The following E4F1 variants were observed in gnomAD, a reference collection of about 807,000 sequenced individuals.
E4F1 encodes the protein transcription factor E4F1.
Under a neutral mutation model 72.9 loss-of-function variants are expected in E4F1, and 30 were observed. The ratio of observed to expected loss-of-function variants is 0.41; its 90% CI spans 0.31 to 0.56. The LOEUF (loss-of-function observed/expected upper bound fraction) is 0.56, where lower values mean the gene tolerates loss of function less well. Ranked by LOEUF, E4F1 falls within the 20% of genes least tolerant of loss-of-function variation. E4F1 has a pLI of 0.25. For missense variants in E4F1, 1,091 were observed against 1,117.5 expected, an observed-to-expected ratio of 0.98 and a Z score of 0.34; for synonymous variants, 542 against 478.2, an observed-to-expected ratio of 1.13 and a Z score of -1.74.
In E4F1 at chr16:2,232,331, T is replaced by C. The variant is rs776466711; in HGVS notation, c.576T>C (p.Tyr192=). The C allele has an allele frequency of 6.2e-7, 1 of 1,608,664 alleles. No individual in the cohort carries two copies. The highest frequency in any genetic ancestry group is 1.7e-5 in the Admixed American group (1 of 59,668). ...VKLLVNKDGR[Y]VCALCHKTFK... Reference sequence around the variant, plus strand: ...TACTGGTGAACAAGGATGGCCGCTATGTGTGTGCGCTGTGCCACAAGACCT... The same window carrying C: ...TACTGGTGAACAAGGATGGCCGCTACGTGTGTGCGCTGTGCCACAAGACCT... The change falls in exon 4 of 14, where the codon TAT becomes TAC. Residue 192 remains tyrosine, a synonymous_variant. Coordinates refer to ENST00000301727, the MANE Select transcript of E4F1 (RefSeq NM_004424.5).
At chr16:2,224,390 C>G (rs2093418762) in intron 1 of E4F1, among the ~76,000 whole-genome samples, 1 of 152,222 alleles carries the variant, frequency 6.6e-6, no homozygotes, top group Admixed American at 6.5e-5. Flanking sequence ...TGTAACAAGC[C>G]CTTATCCTGC....
intron 2 of E4F1, 103 bp from the exon 3 acceptor site, chr16:2,229,467 G>T (rs2093452824): frequency 5.5e-6 from 7 of 1,278,236 alleles, no homozygotes; most frequent in South Asian, 5.1e-5. Flanking sequence ...AGCACCACAA[G>T]TCACACCTCC....
In E4F1 at chr16:2,233,431, C is replaced by A; in HGVS notation, c.1057-7C>A. Reference sequence around the variant, plus strand: ...TGGCCAGCCTCCTCTCTCTGCCTCCCCTGCAGCCCCCCGTCTCCCAGGAGC... The same window carrying A: ...TGGCCAGCCTCCTCTCTCTGCCTCCACTGCAGCCCCCCGTCTCCCAGGAGC... On this transcript the variant is annotated splice_region_variant and splice_polypyrimidine_tract_variant and intron_variant, in intron 7 of 13. Transcript: ENST00000301727. 6.6e-7 allele frequency: 1 copy of A among 1,509,428 alleles called. No homozygotes were observed. The highest frequency in any genetic ancestry group is 8.8e-7 in the Non-Finnish European group (1 of 1,135,910). The allele number at this position is 1,509,428 out of a possible 1,614,324, so 93.5% of individuals were successfully genotyped here.
intron 9 of E4F1, 85 bp downstream of exon 9, chr16:2,234,075 T>C (rs376798905): frequency 3.9e-6 from 6 of 1,548,020 alleles, no homozygotes. Flanking sequence ...GGTGGGTCCA[T>C]AGACAGCAGG....
chr16:2,225,892 G>A (rs941184332), intron 1 of E4F1, among the ~76,000 whole-genome samples: 2 of 151,430 alleles, frequency 1.3e-5, no homozygotes, highest in Admixed American at 6.6e-5. Flanking sequence ...TCAGGAGATC[G>A]AGACCACCCT....
chr16:2,232,969 G>GGGGTGT lies in E4F1; in HGVS notation c.884-40_884-35dup, dbSNP rs754240768. ...GCTGGCTGTGGACGCAGCCGCCACT[G>GGGGTGT]GGGTGTGTGAGGGATCTTCACTCCC... On this transcript the variant is annotated intron_variant, in intron 6 of 13. Transcript: ENST00000301727. 4 of 1,611,368 alleles carry GGGGTGT rather than the reference G, an allele frequency of 2.5e-6. No homozygotes were observed. The African/African-American group carries it at 4.0e-5, about 16-fold the overall frequency.
At chr16:2,234,555 A>G (rs1246750452) in intron 10 of E4F1, 28 bp from the exon 11 acceptor site, 10 of 1,561,630 alleles carry the variant, frequency 6.4e-6, no homozygotes, top group Admixed American at 3.8e-5. Flanking sequence ...GGCCAAGGCC[A>G]GGCTGGCACT....
chr16:2,225,762 G>A (rs1464129475), intron 1 of E4F1, among the ~76,000 whole-genome samples: 11 of 144,516 alleles, frequency 7.6e-5, no homozygotes, highest in Non-Finnish European at 1.3e-4. Flanking sequence ...GTGCGCCACC[G>A]TGCCCGGCTC....
intron 2 of E4F1, among the ~76,000 whole-genome samples, chr16:2,229,284 C>T (rs1055576404): frequency 1.3e-5 from 2 of 152,266 alleles, no homozygotes; most frequent in Non-Finnish European, 1.5e-5. Flanking sequence ...AGAGTTGCTG[C>T]TCCCTCCCTG....
intron 1 of E4F1, among the ~76,000 whole-genome samples, chr16:2,225,440 G>A (rs1157968426): frequency 6.6e-6 from 1 of 151,530 alleles, no homozygotes; most frequent in African/African-American, 2.4e-5. Flanking sequence ...TTCCAGACCA[G>A]CCTGGGCAAC....
At position 2,229,698 on chromosome 16, in the gene E4F1, C is replaced by G. The variant is rs778945403; in HGVS notation, c.415+23C>G. 7 of 1,610,942 alleles carry G rather than the reference C, an allele frequency of 4.3e-6. No homozygotes were observed. In the Admixed American group the frequency reaches 1.2e-4, roughly 27 times the overall value. ...TTGGTAAGCCGACTTCCATGAATCG[C>G]TGGCCTGATAGACCTTCGTGGTTGG... On this transcript the variant is annotated intron_variant, in intron 3 of 13. Transcript: ENST00000301727.
At position 2,223,641 on chromosome 16, in the gene E4F1, A is replaced by T; in HGVS notation, c.28A>T (p.Thr10Ser). ...GGAGGGCGCGATGGCAGTGCGGGTG[A>T]CGGCCGCTCATACGGCAGAAGCCCA... MEGAMAVRV[T>S]AAHTAEAQAE... is the part of the protein sequence containing the mutation. The change falls in exon 1 of 14, where the codon ACG becomes TCG. Residue 10 changes from threonine to serine, a missense_variant. By Grantham distance (58) the Thr-to-Ser change is moderately conservative. Around this residue, in one of 5 missense-constraint regions of E4F1, gnomAD observed 362 missense variants for 358.6 expected, o/e 1.01. Coordinates refer to ENST00000301727, the MANE Select transcript of E4F1 (RefSeq NM_004424.5). 6.3e-7 allele frequency: 1 copy of T among 1,590,592 alleles called. No individual in the cohort carries two copies. The highest frequency in any genetic ancestry group is 8.5e-7 in the Non-Finnish European group (1 of 1,174,170).
At chr16:2,228,752 G>GC (rs1218437134) in intron 2 of E4F1, among the ~76,000 whole-genome samples, 1 of 152,220 alleles carries the variant, frequency 6.6e-6, no homozygotes, top group Admixed American at 6.5e-5. Context: ...TCTGGTCGAA[G>GC]CCCGTGCTGT....
At chr16:2,223,913 C>G (rs1346363907) in intron 1 of E4F1, 143 bp downstream of exon 1, 1 of 1,531,282 alleles carries the variant, frequency 6.5e-7, no homozygotes, top group African/African-American at 1.4e-5. Flanking sequence ...CCTCACAGCC[C>G]TCCACGAAAC....
In E4F1 at chr16:2,235,363, C is replaced by T; in HGVS notation, c.2146C>T (p.Pro716Ser). Residue 716 changes from proline (P) to serine (S), a missense_variant, in exon 14 of 14, where the codon CCC (proline) becomes TCC (serine). This residue lies in a region of E4F1 where 622 missense variants were observed against 628.0 expected (regional missense o/e 0.99). Coordinates refer to ENST00000301727, the MANE Select transcript of E4F1 (RefSeq NM_004424.5). ...AAADTITIAT[P>S]ESLTEQVAMT... ...CGCCGACACCATCACCATCGCCACCCCCGAGAGCCTGACAGAGCAGGTGGC... is the reference window on the plus strand; with the variant it reads ...CGCCGACACCATCACCATCGCCACCTCCGAGAGCCTGACAGAGCAGGTGGC... 6.2e-7 allele frequency: 1 copy of T among 1,610,010 alleles called. No homozygotes were observed. Among genetic ancestry groups the T allele is most frequent in the Non-Finnish European group, 8.5e-7 (1 of 1,179,918 alleles).
chr16:2,233,764 T>G (rs1337061190), intron 8 of E4F1, 117 bp downstream of exon 8: 7 of 1,430,338 alleles, frequency 4.9e-6, no homozygotes, highest in Non-Finnish European at 6.6e-6. Flanking sequence ...ATTGATCTGT[T>G]TACTGCCTTC....
At position 2,234,733 on chromosome 16, in the gene E4F1, C is replaced by A; in HGVS notation, c.1744C>A (p.Arg582Ser). The stretch of plus-strand genomic sequence containing the variant: ...GCCGTTCAAGTGCTACAAGTGCGGC[C>A]GTGGCTTCGCCGAGCACGGCACGCT... The part of the protein sequence containing the change: ...EKPFKCYKCG[R>S]GFAEHGTLNR... The change falls in exon 11 of 14, where the codon CGT becomes AGT. Residue 582 changes from arginine to serine, a missense_variant. Arg to Ser is a moderately radical substitution (Grantham distance 110). Coordinates refer to ENST00000301727, the MANE Select transcript of E4F1 (RefSeq NM_004424.5). 4 of 1,511,168 alleles carry A rather than the reference C, an allele frequency of 2.6e-6. No individual in the cohort carries two copies. The highest frequency in any genetic ancestry group is 3.6e-6 in the Non-Finnish European group (4 of 1,122,760). 93.6% of individuals were successfully genotyped at this position (1,511,168 alleles called of 1,614,324 possible).
intron 1 of E4F1, among the ~76,000 whole-genome samples, chr16:2,225,793 A>AG (rs1298110090): frequency 7.2e-6 from 1 of 139,044 alleles, no homozygotes; most frequent in East Asian, 2.0e-4. Context: ...CTGTTTAGGA[A>AG]AAAAAAAAAA....
intron 3 of E4F1, chr16:2,231,828 G>A (rs27709): frequency 0.37 from 99,751 of 273,212 alleles, 21,610 homozygotes; most frequent in East Asian, 0.51. Context: ...ACAGGCGGCT[G>A]TCTCTTCACC....
Sources: allele counts gnomAD v4.1 joint callset (sites outside exome capture counted in the v4.1 genomes callset), GRCh38; gene constraint gnomAD v4.1.1; regional missense constraint gnomAD v4.1.1; transcripts MANE v1.5; gene names NCBI Gene and HGNC (gene_info 2026-07-23, HGNC 2026-07-21).